Variants in IFI27L1 observed in about 807,000 individuals in gnomAD.
IFI27L1 encodes interferon alpha inducible protein 27 like 1.
A neutral mutation model predicts 9.2 loss-of-function variants in IFI27L1; 3 were observed. That is an observed-to-expected ratio of 0.32 (90% CI 0.15 to 0.84). IFI27L1 has a LOEUF of 0.84. Ranked by LOEUF, IFI27L1 falls within the 40% of genes least tolerant of loss-of-function variation. IFI27L1 has a pLI of 0.56. For synonymous variants in IFI27L1, 53 were observed against 50.0 expected (o/e 1.06, Z -0.26); for missense variants, 133 against 134.2 (o/e 0.99, Z 0.05).
At chr14:94,096,088 A>G (rs1170553193) in intron 1 of IFI27L1, among the ~76,000 whole-genome samples, 1 of 152,232 alleles carries the variant, frequency 6.6e-6, no homozygotes, top group Non-Finnish European at 1.5e-5. Context: ...GCAAAGGATC[A>G]GAGGCCTAAA....
intron 1 of IFI27L1, among the ~76,000 whole-genome samples, chr14:94,087,593 A>AT (rs1423276764): frequency 1.3e-5 from 2 of 151,774 alleles, no homozygotes; most frequent in Non-Finnish European, 2.9e-5. Context: ...CACCCAGCTA[A>AT]TTTTTTCTAT....
At chr14:94,083,753 G>A (rs1027357172) in intron 1 of IFI27L1, among the ~76,000 whole-genome samples, 1 of 152,186 alleles carries the variant, frequency 6.6e-6, no homozygotes, top group African/African-American at 2.4e-5. Context: ...TCAAAATAAA[G>A]AGTTGAGTAA....
chr14:94,087,489 C>G (rs934372753), intron 1 of IFI27L1, among the ~76,000 whole-genome samples: 15 of 152,320 alleles, frequency 9.8e-5, no homozygotes, highest in Non-Finnish European at 1.5e-4. Flanking sequence ...TGCAGTGGCG[C>G]ATCTCGGCTC....
rs187532033 is a variant in IFI27L1 at position 94,082,495 on chromosome 14, A to T, written c.-52+1046A>T. 1.1e-3 allele frequency among the ~76,000 whole-genome samples: 161 copies of T among 152,390 alleles called. 3 individuals carry two copies. In the South Asian group the frequency reaches 0.016, roughly 15 times the overall value. The stretch of plus-strand genomic sequence containing the variant: ...CAGCCTTCTATTGGAAGAAGACGCC[A>T]TCAAGGACTTTCATAGCTAGAGAGG... On this transcript the variant is annotated intron_variant, in intron 1 of 4. Coordinates refer to ENST00000555523, the MANE Select transcript of IFI27L1 (RefSeq NM_206949.3).
chr14:94,091,750 T>A (rs1281060023), intron 1 of IFI27L1, among the ~76,000 whole-genome samples: 1 of 152,164 alleles, frequency 6.6e-6, no homozygotes, highest in Non-Finnish European at 1.5e-5. Flanking sequence ...GATTTAGCTT[T>A]CCAAACAATC....
At chr14:94,094,589 G>A (rs57213275) in intron 1 of IFI27L1, among the ~76,000 whole-genome samples, 1,743 of 152,302 alleles carry the variant, frequency 0.011, 37 homozygotes, top group African/African-American at 0.039. Flanking sequence ...GGTGACGGAA[G>A]TGACCTCCAT....
chr14:94,101,944 T>C lies in IFI27L1; in HGVS notation c.192T>C (p.Ala64=). 1 of 1,614,246 alleles carries C rather than the reference T, an allele frequency of 6.2e-7. No homozygotes were observed. Residue 64 remains alanine (A), a synonymous_variant, in exon 4 of 5, where the codon GCT becomes GCC. Transcript: ENST00000555523. ...TTGCCAACGGGGGCGGAGTTGCTGC[T>C]GGCAGTCTGGTGGCTATTCTGCAGT... ...AAIANGGGVA[A]GSLVAILQSV... is the part of the protein sequence containing the mutation.
chr14:94,092,549 CA>C (rs1886519218), intron 1 of IFI27L1, among the ~76,000 whole-genome samples: 1 of 152,236 alleles, frequency 6.6e-6, no homozygotes, highest in East Asian at 1.9e-4. Flanking sequence ...ACTTTACAGA[CA>C]AATCAATCTT....
intron 2 of IFI27L1, among the ~76,000 whole-genome samples, chr14:94,098,160 T>C (rs113579200): frequency 3.0e-4 from 46 of 152,274 alleles, no homozygotes; most frequent in Admixed American, 9.8e-4. Context: ...GTCCATGGAT[T>C]GAATGGCTTA....
At chr14:94,101,239 C>A in intron 3 of IFI27L1, 2 of 250,126 alleles carry the variant, frequency 8.0e-6, no homozygotes, top group Non-Finnish European at 1.5e-5. Context: ...TAAAGAAAAT[C>A]ATAATGTTTC....
Position 94,102,533 on chromosome 14 carries a change from C to T in IFI27L1, c.280C>T (p.Leu94Phe). ...KVIGGFAGTA[L>F]GAWLGSPPSS ...TATCGGGGGCTTTGCTGGGACAGCTCTTGGGGCCTGGCTGGGTTCACCCCC... is the reference window on the plus strand; with the variant it reads ...TATCGGGGGCTTTGCTGGGACAGCTTTTGGGGCCTGGCTGGGTTCACCCCC... The change falls in exon 5 of 5, where the codon CTT becomes TTT. Residue 94 changes from leucine (L) to phenylalanine (F), a missense_variant. By Grantham distance (22) the Leu-to-Phe change is conservative. Coordinates refer to ENST00000555523, the MANE Select transcript of IFI27L1 (RefSeq NM_206949.3). The T allele has an allele frequency of 1.9e-6, 3 of 1,589,066 alleles. No homozygotes were observed. Among genetic ancestry groups the T allele is most frequent in the South Asian group, 1.1e-5 (1 of 87,596 alleles).
Position 94,101,588 on chromosome 14 carries a change from A to G in IFI27L1, c.62-226A>G, listed in dbSNP as rs1319087831. Among the ~76,000 whole-genome samples, 5 of 152,222 alleles carry G rather than the reference A, an allele frequency of 3.3e-5. 1 individual carries two copies. The highest frequency in any genetic ancestry group is 1.9e-4 in the East Asian group (1 of 5,184). On this transcript the variant is annotated intron_variant, in intron 3 of 4. Transcript: ENST00000555523. ...CCCAGGGAGGGCCAGTGAGCCCTCA[A>G]TGGTGTCTGTGAAACAGGCGTAAAC...
chr14:94,093,466 C>T (rs963888144), intron 1 of IFI27L1, among the ~76,000 whole-genome samples: 19 of 152,264 alleles, frequency 1.2e-4, no homozygotes, highest in African/African-American at 4.3e-4. Context: ...CCACAACGCC[C>T]GGCCCTGACT....
chr14:94,097,688 C>T (rs758848664), intron 2 of IFI27L1: 10 of 702,146 alleles, frequency 1.4e-5, no homozygotes, highest in Middle Eastern at 2.3e-4. Context: ...GGTGAATAAG[C>T]ATTCACGGAT....
chr14:94,102,471 C>A lies in IFI27L1; in HGVS notation c.224-6C>A. 1 of 1,566,540 alleles carries A rather than the reference C, an allele frequency of 6.4e-7. No homozygotes were observed. The highest frequency in any genetic ancestry group is 8.7e-7 in the Non-Finnish European group (1 of 1,156,018). ...TGCCCTGTGCTCACCCTCTCTTCTC[C>A]CCCAGGGGCAGCTGGACTCTCTGTG... On this transcript the variant is annotated splice_region_variant and splice_polypyrimidine_tract_variant and intron_variant, in intron 4 of 4. Coordinates refer to ENST00000555523, the MANE Select transcript of IFI27L1 (RefSeq NM_206949.3).
chr14:94,085,119 T>C (rs965859185), intron 1 of IFI27L1, among the ~76,000 whole-genome samples: 1 of 152,170 alleles, frequency 6.6e-6, no homozygotes, highest in Admixed American at 6.5e-5. Context: ...AATGTGTTGA[T>C]TGACTTTCCA....
chr14:94,092,595 C>A (rs1334108340), intron 1 of IFI27L1, among the ~76,000 whole-genome samples: 1 of 152,180 alleles, frequency 6.6e-6, no homozygotes, highest in East Asian at 1.9e-4. Context: ...TTCTCATAAA[C>A]CTTTTATAAC....
intron 2 of IFI27L1, among the ~76,000 whole-genome samples, chr14:94,098,529 A>C (rs894219701): frequency 6.6e-6 from 1 of 152,220 alleles, no homozygotes; most frequent in African/African-American, 2.4e-5. Context: ...CAAGTACCAG[A>C]TGTTAGGACT....
In IFI27L1 at chr14:94,081,347, T is replaced by C. The variant is rs929392812; in HGVS notation, c.-154T>C. 1.3e-5 allele frequency: 2 copies of C among 152,216 alleles called. No homozygotes were observed. The highest frequency in any genetic ancestry group is 4.8e-5 in the African/African-American group (2 of 41,448). 9.4% of individuals were successfully genotyped at this position (152,216 alleles called of 1,614,324 possible). ...AGAGCTGGCTTGGGGCGCTGGCACC[T>C]CCTCTTACAGCTTTACTCCTGCCAG... On this transcript the variant is annotated 5_prime_UTR_variant, in exon 1 of 5. Transcript: ENST00000555523.
Sources: allele counts gnomAD v4.1 joint callset (sites outside exome capture counted in the v4.1 genomes callset), GRCh38; gene constraint gnomAD v4.1.1; transcripts MANE v1.5; gene names NCBI Gene and HGNC (gene_info 2026-07-23, HGNC 2026-07-21).